The following C1QTNF7 variants were observed in gnomAD, a reference collection of about 807,000 sequenced individuals.
C1QTNF7 encodes the protein C1q and TNF related 7, also known as complement C1q tumor necrosis factor-related protein 7.
Under a neutral mutation model 19.6 loss-of-function variants are expected in C1QTNF7, and 15 were observed. The observed-to-expected ratio is 0.76, with a 90% CI of 0.51 to 1.18. The LOEUF (loss-of-function observed/expected upper bound fraction) is 1.18, where lower values mean the gene tolerates loss of function less well. C1QTNF7 is among the 50% of genes most tolerant of loss of function. C1QTNF7 has a pLI of 0.00. For missense variants in C1QTNF7, 324 were observed against 359.7 expected (o/e 0.90, Z 0.80); for synonymous variants, 142 against 137.5 (o/e 1.03, Z -0.23).
chr4:15,386,435 C>T (rs761959423), intron 1 of C1QTNF7, among the ~76,000 whole-genome samples: 7 of 152,064 alleles, frequency 4.6e-5, no homozygotes, highest in Admixed American at 2.0e-4. Flanking sequence ...CACTCAGCAA[C>T]GAAAAGTGCA....
At chr4:15,396,372 A>G (rs943504527) in intron 1 of C1QTNF7, among the ~76,000 whole-genome samples, 11 of 152,136 alleles carry the variant, frequency 7.2e-5, no homozygotes, top group Admixed American at 6.5e-4. Flanking sequence ...GGACCATAAA[A>G]TGTATCTAGC....
At chr4:15,437,204 C>T (rs1712572753) in intron 2 of C1QTNF7, among the ~76,000 whole-genome samples, 1 of 151,772 alleles carries the variant, frequency 6.6e-6, no homozygotes, top group Admixed American at 6.6e-5. Flanking sequence ...GGTCTGGAAG[C>T]AATAATGTAG....
At chr4:15,422,830 CCAGG>C (rs2108927610) in intron 1 of C1QTNF7, among the ~76,000 whole-genome samples, 1 of 151,972 alleles carries the variant, frequency 6.6e-6, no homozygotes, top group South Asian at 2.1e-4. Flanking sequence ...GCCATATTGC[CCAGG>C]CTGGTCTCAA....
chr4:15,378,364 C>T (rs1220294639), intron 1 of C1QTNF7, among the ~76,000 whole-genome samples: 2 of 152,178 alleles, frequency 1.3e-5, no homozygotes, highest in African/African-American at 4.8e-5. Flanking sequence ...TCAGAAAACT[C>T]TGCTTTGGAA....
intron 1 of C1QTNF7, among the ~76,000 whole-genome samples, chr4:15,373,210 G>A (rs1293612293): frequency 6.6e-6 from 1 of 152,190 alleles, no homozygotes; most frequent in Non-Finnish European, 1.5e-5. Context: ...ATGGCACCTT[G>A]TTGCTAAGTC....
intron 1 of C1QTNF7, among the ~76,000 whole-genome samples, chr4:15,362,220 G>A (rs1412880680): frequency 1.3e-5 from 2 of 152,214 alleles, no homozygotes; most frequent in African/African-American, 4.8e-5. Flanking sequence ...TATTTCCTAA[G>A]AGGTGATGTA....
At chr4:15,376,154 T>C (rs933939749) in intron 1 of C1QTNF7, among the ~76,000 whole-genome samples, 1 of 152,230 alleles carries the variant, frequency 6.6e-6, no homozygotes, top group Non-Finnish European at 1.5e-5. Flanking sequence ...GTTCCCCTTC[T>C]TGTATAAACA....
At chr4:15,379,522 A>T (rs944708849) in intron 1 of C1QTNF7, among the ~76,000 whole-genome samples, 18 of 152,344 alleles carry the variant, frequency 1.2e-4, no homozygotes, top group Admixed American at 3.3e-4. Flanking sequence ...AATAACAAGG[A>T]AGTTCATCAA....
At chr4:15,368,796 G>A (rs1577239524) in intron 1 of C1QTNF7, among the ~76,000 whole-genome samples, 1 of 152,204 alleles carries the variant, frequency 6.6e-6, no homozygotes, top group Non-Finnish European at 1.5e-5. Flanking sequence ...AATCCTTTGG[G>A]TATATACCCA....
intron 1 of C1QTNF7, among the ~76,000 whole-genome samples, chr4:15,429,892 C>G (rs1459870839): frequency 2.0e-5 from 3 of 152,110 alleles, no homozygotes; most frequent in Admixed American, 2.0e-4. Context: ...TTCCCACCAC[C>G]AACATATTTT....
At position 15,442,303 on chromosome 4, in the gene C1QTNF7, G is replaced by A. The variant is rs751608699; in HGVS notation, c.374G>A (p.Gly125Glu). ...VGPIGPPGPK[G>E]DRGEQGDPGL... ...CCAATTGGTCCTCCTGGACCAAAGG[G>A]AGACAGAGGAGAACAAGGGGACCCG... Residue 125 changes from glycine to glutamate, a missense_variant, in exon 3 of 3, where the codon GGA (glycine) becomes GAA (glutamate). By Grantham distance (98) the Gly-to-Glu change is moderately conservative. Transcript: ENST00000444304. 1.9e-6 allele frequency: 3 copies of A among 1,614,138 alleles called. No homozygotes were observed. The highest frequency in any genetic ancestry group is 2.5e-6 in the Non-Finnish European group (3 of 1,180,030).
At chr4:15,361,423 C>G (rs957142752) in intron 1 of C1QTNF7, 1 of 152,084 alleles carries the variant, frequency 6.6e-6, no homozygotes, top group African/African-American at 2.4e-5. Flanking sequence ...TGATATTTTT[C>G]TAATTATCTT....
chr4:15,353,044 C>T (rs1370628677), intron 1 of C1QTNF7, among the ~76,000 whole-genome samples: 1 of 152,136 alleles, frequency 6.6e-6, no homozygotes, highest in African/African-American at 2.4e-5. Context: ...CTCCAAATAG[C>T]TGCATAATCT....
Position 15,435,999 on chromosome 4 carries a change from G to T in C1QTNF7, c.238+18G>T. 1.2e-6 allele frequency: 2 copies of T among 1,605,552 alleles called. No individual in the cohort carries two copies. The highest frequency in any genetic ancestry group is 1.7e-6 in the Non-Finnish European group (2 of 1,176,304). ...AACTGCAGGTAATGAATGAGAAGTT[G>T]CATAAAACACCCTCCTTCACCCCCA... On this transcript the variant is annotated intron_variant, in intron 2 of 2. Transcript: ENST00000444304.
At chr4:15,391,682 A>C (rs956675) in intron 1 of C1QTNF7, among the ~76,000 whole-genome samples, 37,701 of 152,016 alleles carry the variant, frequency 0.25, 7,847 homozygotes, top group African/African-American at 0.56. Flanking sequence ...GTCTCCCAGC[A>C]ACAATATGTA....
intron 1 of C1QTNF7, among the ~76,000 whole-genome samples, chr4:15,402,984 GT>G (rs5856299): frequency 0.39 from 56,346 of 144,416 alleles, 10,770 homozygotes; most frequent in East Asian, 0.54. Context: ...GCTTTTTTCT[GT>G]TTTTTTTTTT....
At chr4:15,421,366 G>A (rs1362545704) in intron 1 of C1QTNF7, among the ~76,000 whole-genome samples, 2 of 152,064 alleles carry the variant, frequency 1.3e-5, no homozygotes, top group Non-Finnish European at 2.9e-5. Flanking sequence ...TCTGGCCTTC[G>A]GATGGTTTTC....
chr4:15,445,621 A>G lies in C1QTNF7; in HGVS notation c.*2822A>G, dbSNP rs1015122905. 6.6e-5 allele frequency: 10 copies of G among 152,256 alleles called. No homozygotes were observed. Among genetic ancestry groups the G allele is most frequent in the African/African-American group, 2.2e-4 (9 of 41,470 alleles). 9.4% of individuals were successfully genotyped at this position (152,256 alleles called of 1,614,324 possible). On this transcript the variant is annotated 3_prime_UTR_variant, in exon 3 of 3. Coordinates refer to ENST00000444304, the MANE Select transcript of C1QTNF7 (RefSeq NM_031911.5). Reference sequence around the variant, plus strand: ...AGAAAAGAGGAGCTGTTTTGGTATTAAACGAATAAAATCTTAAGCAAATAT... The same window carrying G: ...AGAAAAGAGGAGCTGTTTTGGTATTGAACGAATAAAATCTTAAGCAAATAT...
intron 1 of C1QTNF7, among the ~76,000 whole-genome samples, chr4:15,394,527 CA>C (rs1718710233): frequency 6.6e-6 from 1 of 152,154 alleles, no homozygotes; most frequent in East Asian, 1.9e-4. Flanking sequence ...TGCAGAGTCT[CA>C]AAAAGGTGGA....
Sources: allele counts gnomAD v4.1 joint callset (sites outside exome capture counted in the v4.1 genomes callset), GRCh38; gene constraint gnomAD v4.1.1; transcripts MANE v1.5; gene names NCBI Gene and HGNC (gene_info 2026-07-23, HGNC 2026-07-21).